The following CSNK2A2IP variants were observed in gnomAD, a reference collection of about 807,000 sequenced individuals.
CSNK2A2IP encodes the protein casein kinase 2 subunit alpha' interacting protein, also known as casein kinase II subunit alpha'-interacting protein.
chr3:88,388,176 CT>C, the CSNK2A2IP span, among the ~76,000 whole-genome samples: 4 of 152,154 alleles, frequency 2.6e-5, no homozygotes, highest in African/African-American at 7.2e-5. Flanking sequence ...TCCATGACGT[CT>C]TTGCTGATTA....
the CSNK2A2IP span, among the ~76,000 whole-genome samples, chr3:88,423,184 G>A: frequency 2.0e-5 from 3 of 152,130 alleles, no homozygotes; most frequent in African/African-American, 7.2e-5. Flanking sequence ...TGGTAAATTT[G>A]TGATAGATTG....
the CSNK2A2IP span, among the ~76,000 whole-genome samples, chr3:88,380,883 T>C: frequency 2.6e-5 from 4 of 152,232 alleles, no homozygotes; most frequent in African/African-American, 9.6e-5. Context: ...CATGTTGATC[T>C]ATCAAAACTA....
the CSNK2A2IP span, among the ~76,000 whole-genome samples, chr3:88,348,154 T>TTACAAA: frequency 2.6e-5 from 4 of 151,548 alleles, no homozygotes; most frequent in African/African-American, 4.8e-5. Flanking sequence ...TTTTACAAAT[T>TTACAAA]GTCCTTTGAC....
chr3:88,420,049 C>A, the CSNK2A2IP span, among the ~76,000 whole-genome samples: 300 of 152,218 alleles, frequency 2.0e-3, no homozygotes, highest in African/African-American at 6.8e-3. Flanking sequence ...CAGGCCCCTA[C>A]CAGAGAAATT....
the CSNK2A2IP span, among the ~76,000 whole-genome samples, chr3:88,406,035 T>C: frequency 1.2e-4 from 18 of 152,244 alleles, no homozygotes; most frequent in Non-Finnish European, 2.2e-4. Context: ...GTTTTAAGAC[T>C]CTATAATTTC....
the CSNK2A2IP span, among the ~76,000 whole-genome samples, chr3:88,445,925 TCTTTCTTC>T: frequency 6.6e-6 from 1 of 150,906 alleles, no homozygotes; most frequent in Non-Finnish European, 1.5e-5. Context: ...TCTCTTTCTT[TCTTTCTTC>T]CTTTCTTTCT....
At chr3:88,430,783 A>G in the CSNK2A2IP span, among the ~76,000 whole-genome samples, 37 of 152,168 alleles carry the variant, frequency 2.4e-4, no homozygotes, top group African/African-American at 8.9e-4. Flanking sequence ...ATGGAAAAAA[A>G]AACCTTACAC....
the CSNK2A2IP span, among the ~76,000 whole-genome samples, chr3:88,461,859 G>A: frequency 6.6e-6 from 1 of 151,922 alleles, no homozygotes; most frequent in African/African-American, 2.4e-5. Context: ...TCCATTCCCT[G>A]GGCTCTGAGT....
the CSNK2A2IP span, among the ~76,000 whole-genome samples, chr3:88,446,054 CTTTCTTTCTTTCTTTCT>C: frequency 1.1e-5 from 1 of 93,984 alleles, no homozygotes; most frequent in Non-Finnish European, 2.3e-5. Context: ...TTCTTTCTTT[CTTTCTTTCTTTCTTTCT>C]TTCTTTCTTT....
the CSNK2A2IP span, among the ~76,000 whole-genome samples, chr3:88,340,350 A>G: frequency 6.6e-6 from 1 of 152,038 alleles, no homozygotes; most frequent in Non-Finnish European, 1.5e-5. Flanking sequence ...TAGGATTTAT[A>G]GCACTTAAAA....
chr3:88,405,811 C>T, the CSNK2A2IP span, among the ~76,000 whole-genome samples: 3 of 152,154 alleles, frequency 2.0e-5, no homozygotes, highest in Non-Finnish European at 4.4e-5. Flanking sequence ...TTGCCTATTA[C>T]GTGATTAGCA....
chr3:88,445,275 CAAAAAA>C, the CSNK2A2IP span, among the ~76,000 whole-genome samples: 7 of 47,764 alleles, frequency 1.5e-4, 1 homozygote, highest in South Asian at 2.4e-3. Flanking sequence ...GTAAAAATAC[CAAAAAA>C]AAAAAAAAAA....
the CSNK2A2IP span, among the ~76,000 whole-genome samples, chr3:88,426,154 T>C: frequency 6.6e-6 from 1 of 152,214 alleles, no homozygotes; most frequent in East Asian, 1.9e-4. Flanking sequence ...TTGATATTCA[T>C]GCAAAATTAT....
At chr3:88,467,525 G>A in the CSNK2A2IP span, 3 of 398,392 alleles carry the variant, frequency 7.5e-6, no homozygotes, top group African/African-American at 2.1e-5. Flanking sequence ...TGGAGAAAGG[G>A]AGCAAACACA....
At chr3:88,440,585 G>A in the CSNK2A2IP span, among the ~76,000 whole-genome samples, 2 of 152,064 alleles carry the variant, frequency 1.3e-5, no homozygotes, top group Admixed American at 6.5e-5. Context: ...AAAGAAAAAA[G>A]TACTTTTTGG....
chr3:88,355,316 G>C, the CSNK2A2IP span, among the ~76,000 whole-genome samples: 1 of 151,972 alleles, frequency 6.6e-6, no homozygotes, highest in South Asian at 2.1e-4. Flanking sequence ...TTTTTGTTTT[G>C]AAATGGGAGA....
chr3:88,441,931 T>C, the CSNK2A2IP span, among the ~76,000 whole-genome samples: 7 of 152,176 alleles, frequency 4.6e-5, no homozygotes. Context: ...AAAAGGACTG[T>C]CTTACTTAAA....
the CSNK2A2IP span, chr3:88,466,906 G>A: frequency 8.1e-7 from 1 of 1,230,274 alleles, no homozygotes; most frequent in Non-Finnish European, 1.0e-6. Context: ...CAAAATAGAA[G>A]TGAAATTAGT....
At chr3:88,430,346 A>G in the CSNK2A2IP span, among the ~76,000 whole-genome samples, 3 of 152,106 alleles carry the variant, frequency 2.0e-5, no homozygotes, top group African/African-American at 7.2e-5. Flanking sequence ...TATTATATAA[A>G]CAGCAGCCTT....
Sources: allele counts gnomAD v4.1 joint callset (sites outside exome capture counted in the v4.1 genomes callset), GRCh38; gene constraint gnomAD v4.1.1; transcripts MANE v1.5; gene names NCBI Gene and HGNC (gene_info 2026-07-23, HGNC 2026-07-21).